The following ERC1 variants were observed in gnomAD, a reference collection of about 807,000 sequenced individuals.
ERC1 encodes the protein RAB6 interacting protein 2.
A neutral mutation model predicts 132.0 loss-of-function variants in ERC1; 56 were observed. The ratio of observed to expected loss-of-function variants is 0.42; its 90% confidence interval spans 0.34 to 0.53. ERC1 has a LOEUF of 0.53. Among genes scored for constraint, ERC1 ranks in the 20% least tolerant of loss-of-function variants. The pLI, the probability that ERC1 is intolerant of heterozygous loss-of-function variation, is 0.03. For missense variants in ERC1, 1,202 were observed against 1,349.9 expected, an observed-to-expected ratio of 0.89 and a Z score of 1.72; for synonymous variants, 478 against 476.1, an observed-to-expected ratio of 1.00 and a Z score of -0.05.
chr12:1,281,864 G>T (rs916811191), intron 14 of ERC1, among the ~76,000 whole-genome samples: 2 of 152,146 alleles, frequency 1.3e-5, no homozygotes, highest in African/African-American at 2.4e-5. Context: ...GCCCGTCTTA[G>T]CCTCTTTCTA....
At chr12:1,014,009 A>G (rs1965113954) in intron 1 of ERC1, among the ~76,000 whole-genome samples, 1 of 146,404 alleles carries the variant, frequency 6.8e-6, no homozygotes, top group African/African-American at 2.4e-5. Flanking sequence ...GGCATAAGCC[A>G]TGTGCCTGGT....
intron 2 of ERC1, among the ~76,000 whole-genome samples, chr12:1,048,880 G>T (rs181623075): frequency 1.3e-5 from 2 of 152,272 alleles, no homozygotes; most frequent in African/African-American, 4.8e-5. Context: ...GTGATGTGTG[G>T]TATTGAACTT....
At chr12:1,117,123 GAATA>G (rs1443095040) in intron 7 of ERC1, among the ~76,000 whole-genome samples, 1 of 152,088 alleles carries the variant, frequency 6.6e-6, no homozygotes, top group Non-Finnish European at 1.5e-5. Flanking sequence ...GATAATTTAA[GAATA>G]GATAAGTAGT....
At chr12:1,295,342 T>C (rs1429381280) in intron 15 of ERC1, among the ~76,000 whole-genome samples, 1 of 152,140 alleles carries the variant, frequency 6.6e-6, no homozygotes, top group Non-Finnish European at 1.5e-5. Flanking sequence ...AAATGTCCTG[T>C]GTAAATCAGG....
chr12:1,223,677 T>A (rs967043670), intron 12 of ERC1, among the ~76,000 whole-genome samples: 1 of 152,228 alleles, frequency 6.6e-6, no homozygotes, highest in African/African-American at 2.4e-5. Flanking sequence ...TGTGTGCTGG[T>A]GGAGAGAGTT....
At chr12:1,076,813 C>T (rs760065733) in intron 2 of ERC1, among the ~76,000 whole-genome samples, 7 of 152,200 alleles carry the variant, frequency 4.6e-5, no homozygotes, top group Non-Finnish European at 1.0e-4. Flanking sequence ...TAATTTTTGT[C>T]AGTTTTTCAT....
intron 12 of ERC1, among the ~76,000 whole-genome samples, chr12:1,224,902 G>A (rs902127058): frequency 2.6e-5 from 4 of 151,912 alleles, no homozygotes; most frequent in Admixed American, 6.6e-5. Flanking sequence ...GACATAGGAC[G>A]ATCATTTGAG....
chr12:996,665 CTTA>C (rs879063962), intron 1 of ERC1, among the ~76,000 whole-genome samples: 5 of 152,054 alleles, frequency 3.3e-5, no homozygotes, highest in Admixed American at 6.6e-5. Flanking sequence ...CACATGACTT[CTTA>C]TTGTTGTTGT....
At chr12:1,330,046 A>G (rs978297394) in intron 15 of ERC1, among the ~76,000 whole-genome samples, 2 of 152,220 alleles carry the variant, frequency 1.3e-5, no homozygotes, top group African/African-American at 4.8e-5. Flanking sequence ...AGTTTCAAGC[A>G]GTATCCTTTG....
chr12:1,118,862 G>A (rs1946741322), intron 7 of ERC1, among the ~76,000 whole-genome samples: 1 of 152,142 alleles, frequency 6.6e-6, no homozygotes, highest in Non-Finnish European at 1.5e-5. Context: ...CATGGAGCAT[G>A]GAGTTTTTCT....
intron 1 of ERC1, among the ~76,000 whole-genome samples, chr12:1,015,566 G>A (rs780177228): frequency 2.0e-5 from 3 of 152,048 alleles, no homozygotes; most frequent in Non-Finnish European, 4.4e-5. Context: ...TATATTTTAT[G>A]GAGAATATTT....
intron 2 of ERC1, among the ~76,000 whole-genome samples, chr12:1,074,734 A>G (rs11061625): frequency 0.024 from 3,696 of 152,328 alleles, 144 homozygotes; most frequent in African/African-American, 0.081. Flanking sequence ...TATGTACAGC[A>G]TTCGCAGAGC....
chr12:1,155,772 A>G (rs1951329901), intron 8 of ERC1, among the ~76,000 whole-genome samples: 1 of 152,076 alleles, frequency 6.6e-6, no homozygotes, highest in Non-Finnish European at 1.5e-5. Flanking sequence ...CGCCCTGCTG[A>G]TAAGTATTTT....
chr12:1,007,540 C>CTGTGTGTGTGTG (rs10570281), intron 1 of ERC1, among the ~76,000 whole-genome samples: 57 of 122,768 alleles, frequency 4.6e-4, no homozygotes, highest in African/African-American at 7.5e-4. Context: ...CTCTCTCTCT[C>CTGTGTGTGTGTG]TGTGTGTGTG....
intron 15 of ERC1, among the ~76,000 whole-genome samples, chr12:1,369,967 G>A (rs1041805059): frequency 6.6e-6 from 1 of 152,136 alleles, no homozygotes; most frequent in African/African-American, 2.4e-5. Context: ...ATATTCAGTA[G>A]ACAGATAGTC....
At chr12:1,162,634 A>G (rs899130786) in intron 8 of ERC1, among the ~76,000 whole-genome samples, 9 of 151,980 alleles carry the variant, frequency 5.9e-5, no homozygotes, top group Non-Finnish European at 1.2e-4. Context: ...CTTTTTCCAT[A>G]TCATAAAATC....
intron 14 of ERC1, among the ~76,000 whole-genome samples, chr12:1,264,436 G>C (rs1329882240): frequency 6.6e-6 from 1 of 152,192 alleles, no homozygotes; most frequent in Non-Finnish European, 1.5e-5. Flanking sequence ...GCCGAGGCGG[G>C]CGGATCACTT....
intron 12 of ERC1, among the ~76,000 whole-genome samples, chr12:1,232,101 T>A (rs1227012654): frequency 6.6e-6 from 1 of 152,158 alleles, no homozygotes; most frequent in African/African-American, 2.4e-5. Flanking sequence ...TTTGACTATA[T>A]CATCTCATTC....
At chr12:1,098,010 C>T (rs868324034) in intron 3 of ERC1, among the ~76,000 whole-genome samples, 3 of 152,146 alleles carry the variant, frequency 2.0e-5, no homozygotes, top group Non-Finnish European at 2.9e-5. Flanking sequence ...CCATGGTGCC[C>T]GGACCTCTGG....
Sources: gnomAD v4.1 joint callset for allele counts (sites outside exome capture counted in the v4.1 genomes callset) on GRCh38, gnomAD v4.1.1 for gene constraint, MANE v1.5 for transcripts, NCBI Gene and HGNC (gene_info 2026-07-23, HGNC 2026-07-21) for gene names.